Variants in PLVAP observed in about 807,000 individuals in gnomAD.
PLVAP encodes the protein plasmalemma vesicle associated protein.
A neutral mutation model predicts 43.1 loss-of-function variants in PLVAP; 34 were observed. The observed-to-expected ratio is 0.79, with a 90% confidence interval of 0.60 to 1.05. The LOEUF is 1.05. Among genes scored for constraint, PLVAP ranks in the 50% least tolerant of loss-of-function variants. The pLI, the probability that PLVAP is intolerant of heterozygous loss-of-function variation, is 0.00. For missense variants in PLVAP, 574 were observed against 593.4 expected, an observed-to-expected ratio of 0.97 and a Z score of 0.34; for synonymous variants, 241 against 237.3, an observed-to-expected ratio of 1.02 and a Z score of -0.14.
chr19:17,353,531 C>T (rs1028674122), intron 5 of PLVAP, among the ~76,000 whole-genome samples: 1 of 152,272 alleles, frequency 6.6e-6, no homozygotes, highest in Non-Finnish European at 1.5e-5. Context: ...CCAGCCACAC[C>T]GGCCTCTTCC....
chr19:17,362,360 T>C (rs553175094), intron 3 of PLVAP: 77 of 151,554 alleles, frequency 5.1e-4, no homozygotes, highest in African/African-American at 1.7e-3. Context: ...ACCCCGAGAT[T>C]GGCATCTACC....
At chr19:17,357,958 C>T (rs1011585725) in intron 5 of PLVAP, among the ~76,000 whole-genome samples, 2 of 152,182 alleles carry the variant, frequency 1.3e-5, no homozygotes, top group Non-Finnish European at 2.9e-5. Context: ...GCTGGGAGCC[C>T]GGGCCTGGCC....
At chr19:17,355,118 G>A (rs1489158304) in intron 5 of PLVAP, among the ~76,000 whole-genome samples, 1 of 149,612 alleles carries the variant, frequency 6.7e-6, no homozygotes, top group Non-Finnish European at 1.5e-5. Flanking sequence ...CAGCTACTCG[G>A]GAGGCTGAGG....
intron 1 of PLVAP, among the ~76,000 whole-genome samples, chr19:17,367,451 C>T (rs951521973): frequency 1.2e-4 from 18 of 150,740 alleles, no homozygotes; most frequent in Non-Finnish European, 1.6e-4. Flanking sequence ...TGCAATGGCG[C>T]GATCTCGGCT....
intron 1 of PLVAP, among the ~76,000 whole-genome samples, chr19:17,369,261 C>G (rs1052004085): frequency 2.0e-5 from 3 of 151,584 alleles, no homozygotes; most frequent in Non-Finnish European, 2.9e-5. Flanking sequence ...TCTCGGCTCA[C>G]TGTAACCTCC....
chr19:17,351,975 G>A lies in PLVAP; in HGVS notation c.*387C>T, dbSNP rs940355756. The A allele has an allele frequency of 3.4e-5, 10 of 297,820 alleles. No individual in the cohort carries two copies. The highest frequency in any genetic ancestry group is 6.4e-5 in the Non-Finnish European group (10 of 155,830). The allele number at this position is 297,820 out of a possible 1,614,324, so 18.4% of individuals were successfully genotyped here. On this transcript the variant is annotated 3_prime_UTR_variant, in exon 6 of 6. Coordinates refer to ENST00000252590, the MANE Select transcript of PLVAP (RefSeq NM_031310.3). The stretch of plus-strand genomic sequence containing the variant: ...AATATGTGTGACGTCGACATGGCCC[G>A]TGACGTCGTTGCTGCATCTCGGTGT...
chr19:17,352,586 ATGG>A (rs1465660144), intron 5 of PLVAP, among the ~76,000 whole-genome samples: 1 of 152,000 alleles, frequency 6.6e-6, no homozygotes, highest in African/African-American at 2.4e-5. Flanking sequence ...CCTCCCCAGG[ATGG>A]TGAATGGTGA....
intron 1 of PLVAP, among the ~76,000 whole-genome samples, chr19:17,368,932 C>A (rs761907436): frequency 2.0e-5 from 3 of 151,694 alleles, no homozygotes; most frequent in African/African-American, 7.3e-5. Flanking sequence ...GAGCCGAGAT[C>A]GCGTCTCTGC....
chr19:17,365,286 C>T lies in PLVAP; in HGVS notation c.1179G>A (p.Lys393=). ...CTCCCTCTGGGGCCTGCAAGCCCAC[C>T]TTGGTCTTGATGCAGGTGTCCAGGG... ...NSALDTCIKT[K]SQPMMPVSRP... is the part of the protein sequence containing the mutation. Residue 393 remains lysine (K), a splice_region_variant and synonymous_variant, in exon 3 of 6, where the codon AAG becomes AAA. Transcript: ENST00000252590. 6.2e-7 allele frequency: 1 copy of T among 1,607,280 alleles called. No homozygotes were observed. Among genetic ancestry groups the T allele is most frequent in the Non-Finnish European group, 8.5e-7 (1 of 1,176,260 alleles).
rs574377068 is a variant in PLVAP at position 17,371,929 on chromosome 19, C to A, written c.369+4991G>T. ...TTTCTGCAACTCTCTGTCCTTCATCCTTTTGCAGTTGGCCCTGGGTGAATG... is the reference window on the plus strand; with the variant it reads ...TTTCTGCAACTCTCTGTCCTTCATCATTTTGCAGTTGGCCCTGGGTGAATG... On this transcript the variant is annotated intron_variant, in intron 1 of 5. Transcript: ENST00000252590. Among the ~76,000 whole-genome samples, 3 of 152,022 alleles carry A rather than the reference C, an allele frequency of 2.0e-5. No individual in the cohort carries two copies. The South Asian group carries it at 6.2e-4, about 32-fold the overall frequency.
intron 1 of PLVAP, among the ~76,000 whole-genome samples, chr19:17,374,822 G>GTATTTATT (rs537546322): frequency 4.8e-5 from 7 of 146,976 alleles, no homozygotes; most frequent in African/African-American, 7.5e-5. Context: ...ATGTATGTAT[G>GTATTTATT]TATGTATTTA....
Position 17,352,796 on chromosome 19 carries a change from GTCTCCC to G in PLVAP, c.1323-434_1323-429del, listed in dbSNP as rs1454708290. Among the ~76,000 whole-genome samples the G allele has an allele frequency of 3.9e-5, 6 of 152,238 alleles. No individual in the cohort carries two copies. In the South Asian group the frequency reaches 1.2e-3, roughly 32 times the overall value. ...CACTGGTTCCCAAGGCAAGGCTTCG[GTCTCCC>G]TCTTTTGCCTGCTCCTGCTCACATG... On this transcript the variant is annotated intron_variant, in intron 5 of 5. Transcript: ENST00000252590.
chr19:17,359,039 A>AT (rs2074517376), intron 5 of PLVAP, among the ~76,000 whole-genome samples: 1 of 151,780 alleles, frequency 6.6e-6, no homozygotes, highest in Non-Finnish European at 1.5e-5. Context: ...GGCTCAAGCA[A>AT]TCCTCTCACC....
At chr19:17,371,484 TTTTAA>T (rs913824554) in intron 1 of PLVAP, among the ~76,000 whole-genome samples, 9 of 152,100 alleles carry the variant, frequency 5.9e-5, no homozygotes, top group Admixed American at 1.3e-4. Context: ...GCTATTTTTA[TTTTAA>T]TTTAATTTTA....
chr19:17,359,693 C>CTTT (rs10617408), intron 5 of PLVAP, among the ~76,000 whole-genome samples: 2 of 116,138 alleles, frequency 1.7e-5, no homozygotes, highest in Middle Eastern at 5.1e-3. Context: ...TACCCGGCCT[C>CTTT]TTTTTTTTTT....
At position 17,368,986 on chromosome 19, in the gene PLVAP, AAAAC is replaced by A. The variant is rs900756292; in HGVS notation, c.370-2795_370-2792del. Among the ~76,000 whole-genome samples the A allele has an allele frequency of 7.9e-5, 12 of 152,154 alleles. No homozygotes were observed. In the East Asian group the frequency reaches 9.7e-4, roughly 12 times the overall value. ...TGACAGAGCGAGACTCCGTCTCAAA[AAAAC>A]AAACAAACAAACAAAAACCTGGAAC... On this transcript the variant is annotated intron_variant, in intron 1 of 5. Transcript: ENST00000252590.
At chr19:17,358,745 T>C (rs1408673993) in intron 5 of PLVAP, among the ~76,000 whole-genome samples, 1 of 152,112 alleles carries the variant, frequency 6.6e-6, no homozygotes, top group Non-Finnish European at 1.5e-5. Flanking sequence ...TCCGGTCATT[T>C]TTGGATGGCA....
At chr19:17,366,782 C>T (rs1002145419) in intron 1 of PLVAP, among the ~76,000 whole-genome samples, 16 of 151,848 alleles carry the variant, frequency 1.1e-4, no homozygotes, top group African/African-American at 3.4e-4. Context: ...CAGGTGGCTG[C>T]CACCACGACT....
intron 1 of PLVAP, among the ~76,000 whole-genome samples, chr19:17,368,461 C>A (rs1480916594): frequency 6.6e-6 from 1 of 151,990 alleles, no homozygotes; most frequent in Non-Finnish European, 1.5e-5. Flanking sequence ...ATTCGCCCCC[C>A]TCGGCCTCCC....
Sources: allele counts gnomAD v4.1 joint callset (sites outside exome capture counted in the v4.1 genomes callset), GRCh38; gene constraint gnomAD v4.1.1; transcripts MANE v1.5; gene names NCBI Gene and HGNC (gene_info 2026-07-23, HGNC 2026-07-21).